GATAD2B: variants seen among roughly 807,000 people sequenced by gnomAD.
GATAD2B encodes the protein GATA zinc finger domain containing 2B.
In GATAD2B, 8 loss-of-function variants were observed where a neutral mutation model predicts 64.3. The ratio of observed to expected loss-of-function variants is 0.12; its 90% confidence interval spans 0.07 to 0.22. The LOEUF (loss-of-function observed/expected upper bound fraction) is 0.22, where lower values mean the gene tolerates loss of function less well. GATAD2B is among the 10% of genes least tolerant of loss of function. The pLI is 1.00. For missense variants in GATAD2B, 453 were observed against 752.0 expected, an observed-to-expected ratio of 0.60 and a Z score of 4.65; for synonymous variants, 281 against 271.3, an observed-to-expected ratio of 1.04 and a Z score of -0.35.
intron 3 of GATAD2B, 37 bp downstream of exon 3, chr1:153,819,569 G>A (rs769814823): frequency 2.1e-6 from 3 of 1,422,756 alleles, no homozygotes; most frequent in Non-Finnish European, 2.9e-6. Context: ...AATAGAAGGA[G>A]CATAACAAGA....
chr1:153,882,169 C>T (rs916555777), intron 1 of GATAD2B, among the ~76,000 whole-genome samples: 1 of 152,074 alleles, frequency 6.6e-6, no homozygotes, highest in African/African-American at 2.4e-5. Context: ...ACTATCCCCC[C>T]ATCATTGCAG....
intron 1 of GATAD2B, among the ~76,000 whole-genome samples, chr1:153,834,154 C>G (rs2101896330): frequency 6.6e-6 from 1 of 151,896 alleles, no homozygotes. Flanking sequence ...AAACGCCCAC[C>G]ACCACGCCCA....
intron 1 of GATAD2B, among the ~76,000 whole-genome samples, chr1:153,868,906 G>A (rs1029554850): frequency 1.3e-5 from 2 of 151,824 alleles, no homozygotes; most frequent in East Asian, 1.9e-4. Context: ...GGCTAGTTTC[G>A]TATTTTTAGT....
intron 1 of GATAD2B, among the ~76,000 whole-genome samples, chr1:153,899,849 C>T (rs1465848620): frequency 2.0e-5 from 3 of 152,110 alleles, no homozygotes; most frequent in Admixed American, 1.3e-4. Flanking sequence ...AACTTAAAGT[C>T]TAACAAAATT....
intron 1 of GATAD2B, among the ~76,000 whole-genome samples, chr1:153,887,383 A>C (rs765145310): frequency 6.6e-6 from 1 of 152,244 alleles, no homozygotes; most frequent in Non-Finnish European, 1.5e-5. Context: ...ATCACTTGGG[A>C]GTTACCAATC....
chr1:153,889,006 A>C (rs903451132), intron 1 of GATAD2B, among the ~76,000 whole-genome samples: 1 of 152,178 alleles, frequency 6.6e-6, no homozygotes, highest in African/African-American at 2.4e-5. Context: ...ATGAGGAGTA[A>C]TAATAGAAAA....
intron 1 of GATAD2B, among the ~76,000 whole-genome samples, chr1:153,873,982 G>A (rs768507628): frequency 2.0e-5 from 3 of 151,670 alleles, no homozygotes; most frequent in African/African-American, 7.3e-5. Flanking sequence ...GGAGGGGACC[G>A]GGTGCGGTGG....
At chr1:153,918,827 T>C (rs1399314583) in intron 1 of GATAD2B, among the ~76,000 whole-genome samples, 1 of 152,144 alleles carries the variant, frequency 6.6e-6, no homozygotes, top group East Asian at 1.9e-4. Flanking sequence ...GACAGGTGAC[T>C]GTAATCCCAG....
At chr1:153,846,623 G>A (rs1026733600) in intron 1 of GATAD2B, among the ~76,000 whole-genome samples, 20 of 143,628 alleles carry the variant, frequency 1.4e-4, no homozygotes, top group African/African-American at 4.7e-4. Flanking sequence ...ATGCAGTCGC[G>A]CGATCTCGGC....
At chr1:153,832,830 G>C (rs528895344) in intron 1 of GATAD2B, among the ~76,000 whole-genome samples, 1 of 152,136 alleles carries the variant, frequency 6.6e-6, no homozygotes, top group East Asian at 1.9e-4. Flanking sequence ...GGAGTACTCA[G>C]TGTCTACTGT....
intron 1 of GATAD2B, chr1:153,889,835 A>G (rs1557824261): frequency 6.5e-6 from 1 of 152,954 alleles, no homozygotes; most frequent in Non-Finnish European, 1.5e-5. Context: ...ATACAAAATA[A>G]AAAAAGTCAC....
Position 153,836,028 on chromosome 1 carries a change from A to G in GATAD2B, c.-1-7680T>C, listed in dbSNP as rs1380763003. On this transcript the variant is annotated intron_variant, in intron 1 of 10. Transcript: ENST00000368655. ...GTGAGCCACTGCGTCTGGCCTAAAC[A>G]TAACTTTTATATACACTGGGAAACC... Among the ~76,000 whole-genome samples, 6 of 152,106 alleles carry G rather than the reference A, an allele frequency of 3.9e-5. No homozygotes were observed. The East Asian group carries it at 7.7e-4, about 20-fold the overall frequency.
rs568699521 is a variant in GATAD2B at position 153,919,395 on chromosome 1, T to C, written c.-2+3338A>G. The stretch of plus-strand genomic sequence containing the variant: ...TGGATGAATTCAAGCTATACAGGAA[T>C]ATTTCATATATCCACAAGGGAGAAG... On this transcript the variant is annotated intron_variant, in intron 1 of 10. Transcript: ENST00000368655. Among the ~76,000 whole-genome samples, 9 of 152,292 alleles carry C rather than the reference T, an allele frequency of 5.9e-5. No individual in the cohort carries two copies. In the South Asian group the frequency reaches 1.7e-3, roughly 28 times the overall value.
chr1:153,865,457 T>C (rs981997952), intron 1 of GATAD2B, among the ~76,000 whole-genome samples: 1 of 151,978 alleles, frequency 6.6e-6, no homozygotes, highest in Non-Finnish European at 1.5e-5. Context: ...TGAGACTCCA[T>C]CTCAAAAACA....
chr1:153,887,783 A>G (rs780500792), intron 1 of GATAD2B, among the ~76,000 whole-genome samples: 1 of 152,118 alleles, frequency 6.6e-6, no homozygotes, highest in Non-Finnish European at 1.5e-5. Context: ...AGTATTGCAA[A>G]TAAGCATAAA....
At chr1:153,898,325 AAAAAAAG>A (rs1445653617) in intron 1 of GATAD2B, among the ~76,000 whole-genome samples, 3 of 141,054 alleles carry the variant, frequency 2.1e-5, no homozygotes, top group Non-Finnish European at 4.5e-5. Flanking sequence ...AAAAAAAAAG[AAAAAAAG>A]AAAAAAGAAA....
At chr1:153,848,892 G>T (rs1675783036) in intron 1 of GATAD2B, among the ~76,000 whole-genome samples, 1 of 152,118 alleles carries the variant, frequency 6.6e-6, no homozygotes, top group South Asian at 2.1e-4. Context: ...GGCAGAGGTT[G>T]CAGTGAGCCA....
At chr1:153,899,199 A>G (rs537666193) in intron 1 of GATAD2B, among the ~76,000 whole-genome samples, 2 of 152,198 alleles carry the variant, frequency 1.3e-5, no homozygotes, top group Non-Finnish European at 2.9e-5. Flanking sequence ...AGCTGCAGTG[A>G]CCATGCCTGT....
At chr1:153,892,038 G>A (rs1214401533) in intron 1 of GATAD2B, among the ~76,000 whole-genome samples, 2 of 151,488 alleles carry the variant, frequency 1.3e-5, no homozygotes, top group African/African-American at 2.4e-5. Flanking sequence ...GGTGGCAGAC[G>A]CCTGTAGTCC....
Sources: gnomAD v4.1 joint callset for allele counts (sites outside exome capture counted in the v4.1 genomes callset) on GRCh38, gnomAD v4.1.1 for gene constraint, MANE v1.5 for transcripts, NCBI Gene and HGNC (gene_info 2026-07-23, HGNC 2026-07-21) for gene names.